ZDHHC14: variants seen among roughly 807,000 people sequenced by gnomAD.
The protein encoded by ZDHHC14 is palmitoyltransferase ZDHHC14.
A neutral mutation model predicts 47.7 loss-of-function variants in ZDHHC14; 16 were observed. The ratio of observed to expected loss-of-function variants is 0.34; its 90% CI spans 0.23 to 0.51. The LOEUF (loss-of-function observed/expected upper bound fraction) is 0.51, where lower values mean the gene tolerates loss of function less well. ZDHHC14 is among the 20% of genes least tolerant of loss of function. The probability of loss-of-function intolerance (pLI) is 0.97; values close to 1 mark genes in which losing one functional copy is unlikely to be tolerated. For synonymous variants in ZDHHC14, 293 were observed against 278.9 expected, an observed-to-expected ratio of 1.05 and a Z score of -0.50; for missense variants, 515 against 662.5, an observed-to-expected ratio of 0.78 and a Z score of 2.44.
intron 1 of ZDHHC14, among the ~76,000 whole-genome samples, chr6:157,491,870 G>A (rs1365911752): frequency 6.6e-6 from 1 of 152,232 alleles, no homozygotes; most frequent in African/African-American, 2.4e-5. Context: ...CGATGCAAGC[G>A]TAATCCTAAG....
rs5881214 is a variant in ZDHHC14, at chr6:157,519,380, G to GA, written c.246-23193dup. ...ATTGATAGAAGTAGGGCATTGCCTG[G>GA]AAAAAAAAAAAAGAGAGGCTTTCCT... On this transcript the variant is annotated intron_variant, in intron 1 of 8. Transcript: ENST00000359775. Among the ~76,000 whole-genome samples, 36 of 148,944 alleles carry GA rather than the reference G, an allele frequency of 2.4e-4. No homozygotes were observed. In the South Asian group the frequency reaches 3.6e-3, roughly 15 times the overall value.
intron 1 of ZDHHC14, among the ~76,000 whole-genome samples, chr6:157,430,132 T>C (rs917308282): frequency 2.6e-5 from 4 of 152,012 alleles, no homozygotes; most frequent in Admixed American, 2.6e-4. Context: ...CTGGCCAACA[T>C]GGTGAAACCC....
At chr6:157,579,129 A>G (rs189926935) in intron 2 of ZDHHC14, among the ~76,000 whole-genome samples, 121 of 151,032 alleles carry the variant, frequency 8.0e-4, no homozygotes, top group African/African-American at 2.6e-3. Context: ...TTTGATAGAA[A>G]TAGTGTTGAA....
chr6:157,653,865 C>T (rs16900300), intron 8 of ZDHHC14, among the ~76,000 whole-genome samples: 4,321 of 152,246 alleles, frequency 0.028, 135 homozygotes, highest in African/African-American at 0.075. Context: ...GGGAAGTCCA[C>T]ACACGCGAGC....
chr6:157,405,481 C>T (rs1334722346), intron 1 of ZDHHC14, among the ~76,000 whole-genome samples: 1 of 152,194 alleles, frequency 6.6e-6, no homozygotes, highest in Non-Finnish European at 1.5e-5. Context: ...ATCCACCCGC[C>T]TTGGCCTCCC....
intron 1 of ZDHHC14, among the ~76,000 whole-genome samples, chr6:157,454,066 C>G (rs1778861514): frequency 6.6e-6 from 1 of 152,168 alleles, no homozygotes; most frequent in South Asian, 2.1e-4. Context: ...CAGGCTAGGA[C>G]TGGCATGGCA....
Position 157,502,380 on chromosome 6 carries a change from G to C in ZDHHC14, c.246-40205G>C, listed in dbSNP as rs968111992. 1.3e-5 allele frequency among the ~76,000 whole-genome samples: 2 copies of C among 152,224 alleles called. No individual in the cohort carries two copies. Among genetic ancestry groups the C allele is most frequent in the African/African-American group, 4.8e-5 (2 of 41,464 alleles). On this transcript the variant is annotated intron_variant, in intron 1 of 8. Coordinates refer to ENST00000359775, the MANE Select transcript of ZDHHC14 (RefSeq NM_024630.3). The surrounding 1 kb of genome is among the most constrained non-coding windows in gnomAD (Gnocchi z 4.0). The stretch of plus-strand genomic sequence containing the variant: ...TGGATGACAGAGCAGTCAGGCAGTA[G>C]CTGTGGGAGCAGTAGTCAGGAGATT...
intron 2 of ZDHHC14, among the ~76,000 whole-genome samples, chr6:157,568,791 A>G (rs1247075520): frequency 6.6e-6 from 1 of 152,142 alleles, no homozygotes; most frequent in African/African-American, 2.4e-5. Flanking sequence ...ACAATACCAA[A>G]TATTGTCAAG....
At chr6:157,511,264 C>T (rs1231943913) in intron 1 of ZDHHC14, among the ~76,000 whole-genome samples, 4 of 152,158 alleles carry the variant, frequency 2.6e-5, no homozygotes, top group East Asian at 1.9e-4. Flanking sequence ...ATCGCCCGCA[C>T]CTGGAATTTC....
chr6:157,556,831 C>T (rs984812105), intron 2 of ZDHHC14, among the ~76,000 whole-genome samples: 11 of 152,088 alleles, frequency 7.2e-5, no homozygotes, highest in African/African-American at 1.2e-4. Flanking sequence ...CAGGCCCGGG[C>T]GGGTTCCAGG....
intron 1 of ZDHHC14, among the ~76,000 whole-genome samples, chr6:157,434,876 G>A (rs1181344817): frequency 2.0e-5 from 3 of 152,320 alleles, no homozygotes; most frequent in Non-Finnish European, 4.4e-5. Flanking sequence ...TAATAGTCCC[G>A]TCTGGGTTGG....
chr6:157,501,888 T>C (rs1780201047), intron 1 of ZDHHC14, among the ~76,000 whole-genome samples: 1 of 152,162 alleles, frequency 6.6e-6, no homozygotes, highest in South Asian at 2.1e-4. Flanking sequence ...AGAGGAAAAA[T>C]ATTTCAGCTT....
rs1778923111 is a variant in ZDHHC14, at chr6:157,673,969, G to C, written c.*847G>C. 1 of 152,614 alleles carries C rather than the reference G, an allele frequency of 6.6e-6. No individual in the cohort carries two copies. The highest frequency in any genetic ancestry group is 1.5e-5 in the Non-Finnish European group (1 of 68,030). 9.5% of individuals were successfully genotyped at this position (152,614 alleles called of 1,614,324 possible). A position where few individuals can be genotyped will look rare whatever the true frequency, so the allele number is the denominator to read the frequency against. On this transcript the variant is annotated 3_prime_UTR_variant, in exon 9 of 9. Transcript: ENST00000359775. The surrounding 1 kb of genome is among the most constrained non-coding windows in gnomAD (Gnocchi z 5.4). ...GATCTGCGTACGGTTATCCTTAATAGCATAAATGAAAACAAAGTCATCCAG... is the reference window on the plus strand; with the variant it reads ...GATCTGCGTACGGTTATCCTTAATACCATAAATGAAAACAAAGTCATCCAG...
rs138308974 is a variant in ZDHHC14 at position 157,439,014 on chromosome 6, A to T, written c.245+56748A>T. On this transcript the variant is annotated intron_variant, in intron 1 of 8. Coordinates refer to ENST00000359775, the MANE Select transcript of ZDHHC14 (RefSeq NM_024630.3). ...GCTTAGAGAATCATATTGCCAACAA[A>T]GAGTTTTTCTGGCAGTTCATGTGAG... is the stretch of plus-strand genomic sequence containing the variant. Among the ~76,000 whole-genome samples, 312 of 152,326 alleles carry T rather than the reference A, an allele frequency of 2.0e-3. 2 individuals are homozygous for T. Among genetic ancestry groups the T allele is most frequent in the Middle Eastern group, 0.01 (3 of 294 alleles).
chr6:157,593,077 T>C lies in ZDHHC14; in HGVS notation c.496T>C (p.Tyr166His). Residue 166 changes from tyrosine (Y) to histidine (H), a missense_variant, in exon 3 of 9, where the codon TAC becomes CAC. Tyr to His is a moderately conservative substitution (Grantham distance 83). Coordinates refer to ENST00000359775, the MANE Select transcript of ZDHHC14 (RefSeq NM_024630.3). ...CAATGGCCAGACCGTGAAACTTAAA[T>C]ACTGTTTCACCTGCAAGATTTTCCG... is the stretch of plus-strand genomic sequence containing the variant. ...IINGQTVKLK[Y>H]CFTCKIFRPP... 1 of 1,614,176 alleles carries C rather than the reference T, an allele frequency of 6.2e-7. No homozygotes were observed. Among genetic ancestry groups the C allele is most frequent in the Non-Finnish European group, 8.5e-7 (1 of 1,180,010 alleles).
intron 1 of ZDHHC14, among the ~76,000 whole-genome samples, chr6:157,456,366 G>A (rs971543028): frequency 6.6e-6 from 1 of 152,174 alleles, no homozygotes; most frequent in Non-Finnish European, 1.5e-5. Flanking sequence ...TCCTGGGGCT[G>A]CCAAAGCAAT....
rs531353815 is a variant in ZDHHC14, at chr6:157,461,274, T to C, written c.245+79008T>C. On this transcript the variant is annotated intron_variant, in intron 1 of 8. Coordinates refer to ENST00000359775, the MANE Select transcript of ZDHHC14 (RefSeq NM_024630.3). ...GAGAAGGGGTCGGCATGGGGAAAGATGCCTTTGAAAGGCCATCTGTGGGCA... is the reference window on the plus strand; with the variant it reads ...GAGAAGGGGTCGGCATGGGGAAAGACGCCTTTGAAAGGCCATCTGTGGGCA... Among the ~76,000 whole-genome samples, 19 of 152,324 alleles carry C rather than the reference T, an allele frequency of 1.2e-4. No homozygotes were observed. In the South Asian group the frequency reaches 3.9e-3, roughly 32 times the overall value.
At chr6:157,549,478 G>C (rs1276930740) in intron 2 of ZDHHC14, among the ~76,000 whole-genome samples, 1 of 152,268 alleles carries the variant, frequency 6.6e-6, no homozygotes, top group East Asian at 1.9e-4. Flanking sequence ...CATACCTTCT[G>C]GAAGAGACAA....
intron 1 of ZDHHC14, among the ~76,000 whole-genome samples, chr6:157,457,195 C>T (rs1683525872): frequency 6.7e-6 from 1 of 149,318 alleles, no homozygotes; most frequent in South Asian, 2.1e-4. Context: ...AAAAAAAAGA[C>T]CGAGTTGGGA....
Sources: gnomAD v4.1 joint callset for allele counts (sites outside exome capture counted in the v4.1 genomes callset) on GRCh38, gnomAD v4.1.1 for gene constraint, Gnocchi (gnomAD v3.1) non-coding constraint, MANE v1.5 for transcripts, NCBI Gene and HGNC (gene_info 2026-07-23, HGNC 2026-07-21) for gene names.